The following PLCB1 variants were observed in gnomAD, a reference collection of about 807,000 sequenced individuals.
PLCB1 encodes the protein 1-phosphatidylinositol 4,5-bisphosphate phosphodiesterase beta-1.
A neutral mutation model predicts 161.8 loss-of-function variants in PLCB1; 46 were observed. The ratio of observed to expected loss-of-function variants is 0.28; its 90% CI spans 0.22 to 0.36. PLCB1 has a LOEUF of 0.36. Among genes scored for constraint, PLCB1 ranks in the 10% least tolerant of loss-of-function variants. PLCB1 has a pLI of 1.00. For synonymous variants in PLCB1, 517 were observed against 503.7 expected (o/e 1.03, Z -0.35); for missense variants, 1,016 against 1,472.5 (o/e 0.69, Z 5.07).
chr20:8,248,485 A>G (rs1396314894), intron 2 of PLCB1, among the ~76,000 whole-genome samples: 2 of 151,888 alleles, frequency 1.3e-5, no homozygotes, highest in Non-Finnish European at 2.9e-5. Context: ...AAAGCTGGGA[A>G]TGGGAGCACA....
intron 2 of PLCB1, among the ~76,000 whole-genome samples, chr20:8,287,591 C>T (rs1029928358): frequency 3.9e-5 from 6 of 152,120 alleles, no homozygotes; most frequent in East Asian, 1.9e-4. Flanking sequence ...GCATGTTCCC[C>T]GCATTCATCT....
At chr20:8,513,136 CACAA>C (rs1012468214) in intron 3 of PLCB1, among the ~76,000 whole-genome samples, 1 of 152,136 alleles carries the variant, frequency 6.6e-6, no homozygotes, top group African/African-American at 2.4e-5. Context: ...TAAATCTAGA[CACAA>C]ACAAGTACTG....
At chr20:8,716,163 G>T in intron 12 of PLCB1, 101 bp from the exon 13 acceptor site, 1 of 814,524 alleles carries the variant, frequency 1.2e-6, no homozygotes, top group South Asian at 1.5e-5. Context: ...GGTGGGATTA[G>T]AGAATTACTT....
intron 5 of PLCB1, among the ~76,000 whole-genome samples, chr20:8,646,549 G>A (rs543262509): frequency 6.6e-6 from 1 of 152,244 alleles, no homozygotes; most frequent in South Asian, 2.1e-4. Context: ...TTATTAATCT[G>A]AGGAACAGCA....
At chr20:8,182,324 C>T (rs994021140) in intron 2 of PLCB1, among the ~76,000 whole-genome samples, 1 of 152,098 alleles carries the variant, frequency 6.6e-6, no homozygotes, top group African/African-American at 2.4e-5. Context: ...CCCTTTAAAA[C>T]TAGGCTGGGG....
intron 2 of PLCB1, among the ~76,000 whole-genome samples, chr20:8,294,527 C>T (rs1387518993): frequency 1.3e-5 from 2 of 151,564 alleles, no homozygotes. Context: ...CATATTTATA[C>T]ATGTGCATGC....
intron 12 of PLCB1, among the ~76,000 whole-genome samples, chr20:8,710,232 C>T (rs1281992677): frequency 1.3e-5 from 2 of 152,002 alleles, no homozygotes; most frequent in African/African-American, 4.8e-5. Flanking sequence ...TCTTACATGG[C>T]AGGAGGAGAA....
chr20:8,279,576 T>C (rs1486845517), intron 2 of PLCB1, among the ~76,000 whole-genome samples: 1 of 152,210 alleles, frequency 6.6e-6, no homozygotes, highest in African/African-American at 2.4e-5. Flanking sequence ...CTGAACTGTA[T>C]GCTTAAAATG....
At chr20:8,552,825 G>C (rs781777728) in intron 3 of PLCB1, among the ~76,000 whole-genome samples, 2 of 152,046 alleles carry the variant, frequency 1.3e-5, no homozygotes, top group Admixed American at 6.6e-5. Flanking sequence ...TTTACTGCCT[G>C]GCCCTGTGCT....
chr20:8,200,276 T>G (rs2052079379), intron 2 of PLCB1, among the ~76,000 whole-genome samples: 1 of 152,106 alleles, frequency 6.6e-6, no homozygotes, highest in Non-Finnish European at 1.5e-5. Flanking sequence ...GTTACTCTTA[T>G]GCCATGAAAT....
At chr20:8,222,807 A>C (rs756732078) in intron 2 of PLCB1, among the ~76,000 whole-genome samples, 3 of 152,106 alleles carry the variant, frequency 2.0e-5, no homozygotes, top group Admixed American at 1.3e-4. Flanking sequence ...TGGCTTTCTC[A>C]ACCTTAATTA....
At chr20:8,475,285 G>GATCA (rs540588590) in intron 3 of PLCB1, among the ~76,000 whole-genome samples, 21 of 152,166 alleles carry the variant, frequency 1.4e-4, no homozygotes, top group Admixed American at 7.2e-4. Context: ...ACATAATGAA[G>GATCA]ATCAGGAGAT....
chr20:8,572,332 CTGGGTTG>C (rs1986549086), intron 3 of PLCB1, among the ~76,000 whole-genome samples: 1 of 152,184 alleles, frequency 6.6e-6, no homozygotes, highest in African/African-American at 2.4e-5. Context: ...AAGGGGAACT[CTGGGTTG>C]TTCCATCTTT....
intron 4 of PLCB1, among the ~76,000 whole-genome samples, chr20:8,633,427 T>C (rs961396268): frequency 6.6e-6 from 1 of 152,046 alleles, no homozygotes; most frequent in African/African-American, 2.4e-5. Context: ...TGGAGGTGAG[T>C]GCCAAATATA....
chr20:8,316,487 G>A (rs933961311), intron 2 of PLCB1, among the ~76,000 whole-genome samples: 2 of 152,030 alleles, frequency 1.3e-5, no homozygotes, highest in African/African-American at 2.4e-5. Flanking sequence ...AGCCCCTCAC[G>A]CCAATTCAGG....
At chr20:8,158,115 G>A (rs569010739) in intron 2 of PLCB1, among the ~76,000 whole-genome samples, 11 of 152,220 alleles carry the variant, frequency 7.2e-5, no homozygotes, top group Non-Finnish European at 1.5e-4. Context: ...AATGGTTCGA[G>A]CCATTGGATT....
chr20:8,803,777 TTTTGTTTGTTTGTTTG>T (rs148420606), intron 31 of PLCB1, among the ~76,000 whole-genome samples: 1 of 151,136 alleles, frequency 6.6e-6, no homozygotes, highest in Admixed American at 6.6e-5. Flanking sequence ...GTTTTGTGTT[TTTTGTTTGTTTGTTTG>T]TTTGTTTGTT....
intron 2 of PLCB1, among the ~76,000 whole-genome samples, chr20:8,207,672 T>C (rs1600234477): frequency 6.6e-6 from 1 of 152,020 alleles, no homozygotes; most frequent in East Asian, 1.9e-4. Context: ...CCTCAAACTC[T>C]TGGGTTCAAG....
intron 3 of PLCB1, among the ~76,000 whole-genome samples, chr20:8,388,992 T>C (rs1035443719): frequency 6.6e-6 from 1 of 152,226 alleles, no homozygotes; most frequent in Non-Finnish European, 1.5e-5. Flanking sequence ...TGTTTGCATT[T>C]AAAACTCTTC....
Sources: allele counts gnomAD v4.1 joint callset (sites outside exome capture counted in the v4.1 genomes callset), GRCh38; gene constraint gnomAD v4.1.1; transcripts MANE v1.5; gene names NCBI Gene and HGNC (gene_info 2026-07-23, HGNC 2026-07-21).